The following FAT3 variants were observed in gnomAD, a reference collection of about 807,000 sequenced individuals.
FAT3 encodes the protein FAT atypical cadherin 3, also known as protocadherin Fat 3.
FAT3 carries 95 observed loss-of-function variants against 310.2 expected under a neutral mutation model. That is an observed-to-expected ratio of 0.31 (90% confidence interval 0.26 to 0.36). The LOEUF is 0.36. FAT3 is among the 10% of genes least tolerant of loss of function. The probability of loss-of-function intolerance (pLI) is 1.00; values close to 1 mark genes in which losing one functional copy is unlikely to be tolerated. For synonymous variants in FAT3, 2,314 were observed against 2,192.9 expected, an observed-to-expected ratio of 1.06 and a Z score of -1.54; for missense variants, 5,408 against 5,715.6, an observed-to-expected ratio of 0.95 and a Z score of 1.74.
intron 3 of FAT3, among the ~76,000 whole-genome samples, chr11:92,596,492 A>C (rs931725992): frequency 2.6e-5 from 4 of 152,102 alleles, no homozygotes; most frequent in Admixed American, 2.6e-4. Flanking sequence ...GCTCCAGGCC[A>C]CCACCATTCT....
At chr11:92,396,926 T>C (rs1266757978) in intron 2 of FAT3, among the ~76,000 whole-genome samples, 2 of 152,062 alleles carry the variant, frequency 1.3e-5, no homozygotes, top group Admixed American at 6.6e-5. Flanking sequence ...AGGCTGGTCT[T>C]GAGCTCCTGA....
intron 1 of FAT3, among the ~76,000 whole-genome samples, chr11:92,349,034 C>T (rs1948490671): frequency 6.6e-6 from 1 of 152,052 alleles, no homozygotes; most frequent in African/African-American, 2.4e-5. Context: ...AATGAGGGGG[C>T]AGACTCAGAA....
intron 3 of FAT3, among the ~76,000 whole-genome samples, chr11:92,599,728 A>T (rs916060226): frequency 6.6e-6 from 1 of 152,246 alleles, no homozygotes; most frequent in Non-Finnish European, 1.5e-5. Flanking sequence ...TATCTTAATT[A>T]TACAGCCAGA....
chr11:92,637,225 C>A (rs1941797038), intron 3 of FAT3, among the ~76,000 whole-genome samples: 1 of 152,162 alleles, frequency 6.6e-6, no homozygotes, highest in African/African-American at 2.4e-5. Context: ...TGACTGGAAA[C>A]CCACTGCCCC....
At chr11:92,758,791 G>T (rs754965830) in intron 4 of FAT3, among the ~76,000 whole-genome samples, 8 of 152,296 alleles carry the variant, frequency 5.3e-5, no homozygotes, top group Middle Eastern at 3.4e-3. Context: ...GGGGTGAGGG[G>T]TGTGTGTGAG....
chr11:92,633,139 C>A (rs1040195860), intron 3 of FAT3, among the ~76,000 whole-genome samples: 1 of 152,218 alleles, frequency 6.6e-6, no homozygotes, highest in Non-Finnish European at 1.5e-5. Flanking sequence ...GTCACCAACT[C>A]TGTTTATTTA....
chr11:92,457,711 C>A (rs1951527944), intron 2 of FAT3, among the ~76,000 whole-genome samples: 1 of 148,432 alleles, frequency 6.7e-6, no homozygotes, highest in Admixed American at 6.6e-5. Context: ...CGCCTGAGGT[C>A]AGGAGTTCCA....
At chr11:92,574,638 G>A (rs1938373703) in intron 3 of FAT3, among the ~76,000 whole-genome samples, 1 of 152,128 alleles carries the variant, frequency 6.6e-6, no homozygotes, top group African/African-American at 2.4e-5. Flanking sequence ...AGGAAACATC[G>A]TTTTGGCTCT....
At position 92,844,532 on chromosome 11, in the gene FAT3, T is replaced by A; in HGVS notation, c.11165T>A (p.Leu3722Gln). ...AAGCCAGCCTACCTGATCCAGAAGC[T>A]GTCCAATGCTAGAAGACACCTGGAG... ...FYKPAYLIQKLSNARRHLENI... is the reference protein window; with the variant it reads ...FYKPAYLIQKQSNARRHLENI... The change falls in exon 19 of 28, where the codon CTG becomes CAG. Residue 3722 changes from leucine to glutamine, a missense_variant. Physicochemically the swap from Leu to Gln is moderately radical, Grantham distance 113 (BLOSUM62 -2). Around this residue, in one of 5 missense-constraint regions of FAT3, gnomAD observed 4,588 missense variants for 4,809.8 expected, o/e 0.95. Transcript: ENST00000525166. 4 of 1,613,996 alleles carry A rather than the reference T, an allele frequency of 2.5e-6. No homozygotes were observed. Among genetic ancestry groups the A allele is most frequent in the Non-Finnish European group, 3.4e-6 (4 of 1,179,882 alleles).
At chr11:92,719,750 G>A (rs1944807232) in intron 4 of FAT3, among the ~76,000 whole-genome samples, 1 of 151,480 alleles carries the variant, frequency 6.6e-6, no homozygotes, top group South Asian at 2.1e-4. Flanking sequence ...GTGTGTGTGT[G>A]TGTGTGTGTG....
chr11:92,560,805 G>A (rs913687306), intron 3 of FAT3, among the ~76,000 whole-genome samples: 1 of 152,114 alleles, frequency 6.6e-6, no homozygotes, highest in Admixed American at 6.6e-5. Flanking sequence ...TTATTCATTG[G>A]TCAGTTTATG....
intron 3 of FAT3, among the ~76,000 whole-genome samples, chr11:92,561,241 C>T (rs1955213906): frequency 6.9e-6 from 1 of 145,422 alleles, no homozygotes; most frequent in Admixed American, 6.9e-5. Context: ...CTCTCAGATC[C>T]TTCTACTTCG....
intron 3 of FAT3, among the ~76,000 whole-genome samples, chr11:92,585,561 G>C (rs1327608957): frequency 6.6e-6 from 1 of 152,000 alleles, no homozygotes; most frequent in African/African-American, 2.4e-5. Context: ...CACCGGTGCA[G>C]CTCCAAATGC....
chr11:92,552,375 C>T lies in FAT3; in HGVS notation c.3607+27427C>T, dbSNP rs79267426. Among the ~76,000 whole-genome samples the T allele has an allele frequency of 6.5e-3, 992 of 152,176 alleles. 10 individuals carry two copies. The highest frequency in any genetic ancestry group is 0.02 in the Middle Eastern group (6 of 294). ...GAGTGCTCTTTGTAAAAGTCACATA[C>T]TCACATGGAAAATATTAAATGGGAA... On this transcript the variant is annotated intron_variant, in intron 3 of 27. Coordinates refer to ENST00000525166, the MANE Select transcript of FAT3 (RefSeq NM_001367949.2).
At chr11:92,250,094 A>T (rs538579078) in intron 1 of FAT3, among the ~76,000 whole-genome samples, 22 of 152,276 alleles carry the variant, frequency 1.4e-4, no homozygotes, top group African/African-American at 5.3e-4. Context: ...TAAAAAGATT[A>T]ATTGCTCTCT....
chr11:92,308,246 G>C (rs1283134733), intron 1 of FAT3, among the ~76,000 whole-genome samples: 1 of 152,194 alleles, frequency 6.6e-6, no homozygotes, highest in African/African-American at 2.4e-5. Flanking sequence ...TGTGTTTTCA[G>C]AGTAAGCAGA....
At chr11:92,667,396 G>T (rs1352933278) in intron 3 of FAT3, among the ~76,000 whole-genome samples, 2 of 151,906 alleles carry the variant, frequency 1.3e-5, no homozygotes, top group Non-Finnish European at 2.9e-5. Context: ...ACCCCAGCAG[G>T]CTCATAAACA....
chr11:92,331,300 C>G (rs200333244), intron 1 of FAT3, among the ~76,000 whole-genome samples: 5 of 137,608 alleles, frequency 3.6e-5, no homozygotes, highest in Middle Eastern at 3.4e-3. Context: ...TTTTTTTTTT[C>G]AAAATGAGAG....
In FAT3 at chr11:92,486,129, G is replaced by GTTTTTTTTTTTTTTTTT. The variant is rs1565353395; in HGVS notation, c.3293-38505_3293-38504insTTTTTTTTTTTTTTTTT. On this transcript the variant is annotated intron_variant, in intron 2 of 27. Coordinates refer to ENST00000525166, the MANE Select transcript of FAT3 (RefSeq NM_001367949.2). ...TGTGAAATAGAGGAGAGGCTGCTGG[G>GTTTTTTTTTTTTTTTTT]GTTTTTTTTTTTTTTTTTTTTTTTT... Among the ~76,000 whole-genome samples, 26 of 27,678 alleles carry GTTTTTTTTTTTTTTTTT rather than the reference G, an allele frequency of 9.4e-4. 2 individuals carry two copies. The highest frequency in any genetic ancestry group is 2.0e-3 in the African/African-American group (24 of 11,784). 18.2% of individuals were successfully genotyped at this position (27,678 alleles called of 152,430 possible).
Sources: allele counts gnomAD v4.1 joint callset (sites outside exome capture counted in the v4.1 genomes callset), GRCh38; gene constraint gnomAD v4.1.1; regional missense constraint gnomAD v4.1.1; transcripts MANE v1.5; gene names NCBI Gene and HGNC (gene_info 2026-07-23, HGNC 2026-07-21).